ABCA8: variants seen among roughly 807,000 people sequenced by gnomAD.
ABCA8 encodes ABC-type organic anion transporter ABCA8.
ABCA8 carries 177 observed loss-of-function variants against 192.3 expected under a neutral mutation model. The ratio of observed to expected loss-of-function variants is 0.92; its 90% CI spans 0.81 to 1.04. The LOEUF is 1.04. Among genes scored for constraint, ABCA8 ranks in the 50% least tolerant of loss-of-function variants. The probability of loss-of-function intolerance (pLI) is 0.00; values close to 1 mark genes in which losing one functional copy is unlikely to be tolerated. For synonymous variants in ABCA8, 642 were observed against 690.2 expected (o/e 0.93, Z 1.09); for missense variants, 1,915 against 1,904.8 (o/e 1.01, Z -0.10).
chr17:68,937,105 G>A lies in ABCA8; in HGVS notation c.312C>T (p.Val104=). 2 of 1,599,066 alleles carry A rather than the reference G, an allele frequency of 1.3e-6. No homozygotes were observed. The highest frequency in any genetic ancestry group is 2.3e-5 in the East Asian group (1 of 43,766). The change falls in exon 5 of 40, where the codon GTC becomes GTT. Residue 104 remains valine (V), a synonymous_variant. Transcript: ENST00000586539. ...TACTTTCCTCATCTGGCAGTCCCAA[G>A]ACCTCTTTACCTTTTGTTACAAGAA... ...ASTPFLAGKE[V]LGLPDEESIK... is the part of the protein sequence containing the mutation.
chr17:68,935,540 C>CCATATATATATATATATATA (rs1555617705), intron 5 of ABCA8, among the ~76,000 whole-genome samples: 3 of 87,290 alleles, frequency 3.4e-5, no homozygotes, highest in African/African-American at 9.4e-5. Context: ...AGTAGTATTC[C>CCATATATATATATATATATA]TATATATATA....
chr17:68,934,359 C>T (rs767746242), intron 5 of ABCA8, among the ~76,000 whole-genome samples: 5 of 151,970 alleles, frequency 3.3e-5, no homozygotes, highest in Non-Finnish European at 5.9e-5. Flanking sequence ...GTAAATATAT[C>T]TGTATTGGTC....
chr17:68,885,909 A>C (rs904055692), intron 26 of ABCA8, among the ~76,000 whole-genome samples: 3 of 152,210 alleles, frequency 2.0e-5, no homozygotes, highest in African/African-American at 7.2e-5. Context: ...AGATGATCAA[A>C]AATCAAAGAA....
At position 68,940,962 on chromosome 17, in the gene ABCA8, C is replaced by G. The variant is rs902656543; in HGVS notation, c.97G>C (p.Glu33Gln). The G allele has an allele frequency of 4.4e-6, 7 of 1,590,674 alleles. No homozygotes were observed. The highest frequency in any genetic ancestry group is 6.0e-6 in the Non-Finnish European group (7 of 1,159,900). The change falls in exon 4 of 40, where the codon GAA becomes CAA. Residue 33 changes from glutamate to glutamine, a missense_variant and splice_region_variant. Physicochemically the swap from Glu to Gln is conservative, Grantham distance 29. Coordinates refer to ENST00000586539, the MANE Select transcript of ABCA8 (RefSeq NM_001288985.2). ...KWRMKRESLM[E>Q]WLNSLLLLLC... ...AGTAGGAGCAATGAATTCAGCCATT[C>G]CTATATAATACAGGAAAAAAGATAA...
rs887042574 is a variant in ABCA8, at chr17:68,929,598, A to G, written c.902T>C (p.Val301Ala). ...TQFIILSGFM[V>A]VFSLFLLYGL... is the part of the protein sequence containing the mutation. The stretch of plus-strand genomic sequence containing the variant: ...ATACAGGAGAAAGAGGCTGAAGACT[A>G]CCATGAAGCCAGACAAAATGATAAA... Residue 301 changes from valine to alanine, a missense_variant, in exon 8 of 40, where the codon GTA becomes GCA. By Grantham distance (64) the Val-to-Ala change is moderately conservative. Transcript: ENST00000586539. 16 of 1,613,740 alleles carry G rather than the reference A, an allele frequency of 9.9e-6. No homozygotes were observed. Among genetic ancestry groups the G allele is most frequent in the Non-Finnish European group, 1.3e-5 (15 of 1,179,830 alleles).
intron 19 of ABCA8, among the ~76,000 whole-genome samples, chr17:68,905,666 T>C (rs772754371): frequency 2.0e-5 from 3 of 152,102 alleles, no homozygotes; most frequent in Non-Finnish European, 4.4e-5. Flanking sequence ...AACAGTACAA[T>C]ATGTCTAATT....
chr17:68,887,095 G>T lies in ABCA8; in HGVS notation c.3351C>A (p.Ile1117=). ...TGAAGGAAATCACGTATGTCATGAAGATGAGGGAAAAGGAATAACCAACAG... is the reference window on the plus strand; with the variant it reads ...TGAAGGAAATCACGTATGTCATGAATATGAGGGAAAAGGAATAACCAACAG... The part of the protein sequence containing the change: ...PCAVGYSFSL[I]FMTYVISFIF... The change falls in exon 26 of 40, where the codon ATC becomes ATA. Residue 1117 remains isoleucine (I), a synonymous_variant. Transcript: ENST00000586539. The T allele has an allele frequency of 6.2e-7, 1 of 1,612,138 alleles. No individual in the cohort carries two copies. Among genetic ancestry groups the T allele is most frequent in the Non-Finnish European group, 8.5e-7 (1 of 1,179,188 alleles).
intron 6 of ABCA8, among the ~76,000 whole-genome samples, 190 bp from the exon 7 acceptor site, chr17:68,932,704 C>T (rs1299541270): frequency 6.6e-6 from 1 of 152,210 alleles, no homozygotes; most frequent in Non-Finnish European, 1.5e-5. Flanking sequence ...TTACTCACCA[C>T]TCTCAGAATT....
At chr17:68,950,488 A>C (rs74683582) in intron 1 of ABCA8, among the ~76,000 whole-genome samples, 8,938 of 152,220 alleles carry the variant, frequency 0.059, 408 homozygotes, top group East Asian at 0.24. Context: ...AACTAAAAAT[A>C]CTTTTGAAAA....
intron 17 of ABCA8, among the ~76,000 whole-genome samples, chr17:68,910,899 A>C (rs2067214726): frequency 6.6e-6 from 1 of 152,150 alleles, no homozygotes; most frequent in Admixed American, 6.5e-5. Context: ...TCACCTCCTG[A>C]CTAAAGAACT....
At chr17:68,926,102 CAT>C (rs2067690434) in intron 10 of ABCA8, among the ~76,000 whole-genome samples, 1 of 151,940 alleles carries the variant, frequency 6.6e-6, no homozygotes, top group Non-Finnish European at 1.5e-5. Flanking sequence ...CTTGATAAAA[CAT>C]GTACAAAGAG....
intron 2 of ABCA8, among the ~76,000 whole-genome samples, chr17:68,946,348 G>A (rs1003694452): frequency 1.3e-5 from 2 of 152,054 alleles, no homozygotes; most frequent in Non-Finnish European, 2.9e-5. Flanking sequence ...TTACAGGCGT[G>A]AGCCCCCGCA....
At chr17:68,884,427 G>A (rs957523687) in intron 27 of ABCA8, 31 bp from the exon 28 acceptor site, 1 of 1,551,670 alleles carries the variant, frequency 6.4e-7, no homozygotes. Context: ...GCTAAACAGG[G>A]AGTTTTTTGT....
chr17:68,918,062 CCTCATCCATGAA>C lies in ABCA8; in HGVS notation c.2020_2031del (p.Phe674_Glu677del), dbSNP rs1567859074. On this transcript the variant is annotated inframe_deletion, in exon 16 of 40. Transcript: ENST00000586539. ...CAGTGATTACCCGCCAGGATGTCGGCCTCATCCATGAACTGGGTACTGAAGAGGATCACGCGG... is the reference window on the plus strand; with the variant it reads ...CAGTGATTACCCGCCAGGATGTCGGCCTGGGTACTGAAGAGGATCACGCGG... The C allele has an allele frequency of 1.2e-6, 2 of 1,614,088 alleles. No individual in the cohort carries two copies.
chr17:68,921,658 A>G (rs941402536), intron 12 of ABCA8, among the ~76,000 whole-genome samples, 166 bp from the exon 13 acceptor site: 8 of 152,234 alleles, frequency 5.3e-5, no homozygotes, highest in African/African-American at 1.9e-4. Context: ...AAAATAAAAC[A>G]TTAAAAGTTC....
intron 24 of ABCA8, among the ~76,000 whole-genome samples, chr17:68,890,250 T>A (rs957730456): frequency 6.6e-6 from 1 of 152,184 alleles, no homozygotes; most frequent in Non-Finnish European, 1.5e-5. Flanking sequence ...TTAGTTTTAT[T>A]GAGTGTGTAG....
At chr17:68,875,013 G>A (rs749135365) in intron 37 of ABCA8, among the ~76,000 whole-genome samples, 36 of 152,026 alleles carry the variant, frequency 2.4e-4, no homozygotes, top group Non-Finnish European at 5.1e-4. Context: ...CTATGTCTAC[G>A]GTGAAAAGTC....
At chr17:68,884,836 G>A (rs563969591) in intron 27 of ABCA8, 148 of 985,302 alleles carry the variant, frequency 1.5e-4, no homozygotes, top group Non-Finnish European at 1.7e-4. Context: ...AAAGGACTTT[G>A]CTTATCTTGG....
chr17:68,938,100 G>A (rs2068120355), intron 4 of ABCA8, among the ~76,000 whole-genome samples: 1 of 152,172 alleles, frequency 6.6e-6, no homozygotes, highest in African/African-American at 2.4e-5. Flanking sequence ...CCGTTTAGGA[G>A]ACTGGACCTT....
Sources: allele counts gnomAD v4.1 joint callset (sites outside exome capture counted in the v4.1 genomes callset), GRCh38; gene constraint gnomAD v4.1.1; transcripts MANE v1.5; gene names NCBI Gene and HGNC (gene_info 2026-07-23, HGNC 2026-07-21).